The following PPP6R2 variants were observed in gnomAD, a reference collection of about 807,000 sequenced individuals.
The protein encoded by PPP6R2 is serine/threonine-protein phosphatase 6 regulatory subunit 2.
A neutral mutation model predicts 100.2 loss-of-function variants in PPP6R2; 62 were observed. That is an observed-to-expected ratio of 0.62 (90% confidence interval 0.50 to 0.76). The LOEUF (loss-of-function observed/expected upper bound fraction) is 0.76. Among genes scored for constraint, PPP6R2 ranks in the 30% least tolerant of loss-of-function variants. PPP6R2 has a pLI of 0.00. For missense variants in PPP6R2, 1,142 were observed against 1,276.3 expected, an observed-to-expected ratio of 0.89 and a Z score of 1.60; for synonymous variants, 525 against 514.7, an observed-to-expected ratio of 1.02 and a Z score of -0.27.
intron 14 of PPP6R2, among the ~76,000 whole-genome samples, chr22:50,436,687 C>T (rs185454247): frequency 1.3e-5 from 2 of 152,302 alleles, no homozygotes; most frequent in African/African-American, 2.4e-5. Context: ...TGTGCAGAGC[C>T]GGTGTTGGCC....
chr22:50,437,366 A>G (rs922360880), intron 15 of PPP6R2, 140 bp from the exon 16 acceptor site: 1 of 678,092 alleles, frequency 1.5e-6, no homozygotes, highest in African/African-American at 1.8e-5. Context: ...AGCCCTGAAC[A>G]GAGTTTACTG....
chr22:50,379,198 A>G (rs924457721), intron 2 of PPP6R2, among the ~76,000 whole-genome samples: 13 of 152,102 alleles, frequency 8.5e-5, no homozygotes, highest in Non-Finnish European at 1.6e-4. Context: ...TACTAAATAC[A>G]ATTCTCAAGA....
chr22:50,364,979 A>G (rs2048451212), intron 1 of PPP6R2, among the ~76,000 whole-genome samples: 1 of 152,138 alleles, frequency 6.6e-6, no homozygotes, highest in Non-Finnish European at 1.5e-5. Flanking sequence ...CATAAAAAGA[A>G]AAAAAATCTT....
At chr22:50,438,032 G>A (rs768495443) in intron 17 of PPP6R2, 132 bp downstream of exon 17, 43 of 1,488,208 alleles carry the variant, frequency 2.9e-5, no homozygotes, top group Middle Eastern at 1.8e-4. Flanking sequence ...CGGAACAGTC[G>A]CTTTCCTTGC....
intron 4 of PPP6R2, among the ~76,000 whole-genome samples, chr22:50,408,065 T>C (rs2059222776): frequency 6.6e-6 from 1 of 152,116 alleles, no homozygotes. Flanking sequence ...TAAAATATTT[T>C]TTGTAGAGAT....
chr22:50,409,643 G>T (rs1045864135), intron 4 of PPP6R2, among the ~76,000 whole-genome samples: 2 of 152,160 alleles, frequency 1.3e-5, no homozygotes, highest in African/African-American at 4.8e-5. Flanking sequence ...GGCCAGGATG[G>T]TCTCAATCTC....
intron 1 of PPP6R2, among the ~76,000 whole-genome samples, chr22:50,367,595 AAGGG>A (rs2049022911): frequency 6.6e-6 from 1 of 152,164 alleles, no homozygotes; most frequent in South Asian, 2.1e-4. Flanking sequence ...GAAAATGAAA[AAGGG>A]AGGGAAGGAC....
intron 1 of PPP6R2, among the ~76,000 whole-genome samples, chr22:50,349,815 TAAAAAA>T (rs1285843500): frequency 1.7e-5 from 2 of 115,444 alleles, no homozygotes; most frequent in East Asian, 4.9e-4. Context: ...AACTCCATCT[TAAAAAA>T]AAAAAAAACA....
At chr22:50,415,624 C>T (rs1182552899) in intron 5 of PPP6R2, among the ~76,000 whole-genome samples, 1 of 152,266 alleles carries the variant, frequency 6.6e-6, no homozygotes, top group Non-Finnish European at 1.5e-5. Context: ...CCAGGCCTGC[C>T]AGACCCCGAC....
chr22:50,335,707 G>A, the PPP6R2 span, among the ~76,000 whole-genome samples: 4 of 119,516 alleles, frequency 3.3e-5, no homozygotes, highest in African/African-American at 1.0e-4. Context: ...ATGGAGTCTC[G>A]CTCTGTCACC....
chr22:50,381,926 A>G (rs1011738116), intron 2 of PPP6R2, among the ~76,000 whole-genome samples: 2 of 152,032 alleles, frequency 1.3e-5, no homozygotes, highest in Non-Finnish European at 2.9e-5. Flanking sequence ...AAAAAAGAAA[A>G]AAAAGGAATA....
rs2273260 is a variant in PPP6R2 at position 50,441,018 on chromosome 22, T to A, written c.2571T>A (p.Ala857=). 2 of 1,583,630 alleles carry A rather than the reference T, an allele frequency of 1.3e-6. No individual in the cohort carries two copies. Among genetic ancestry groups the A allele is most frequent in the Non-Finnish European group, 1.7e-6 (2 of 1,161,206 alleles). The change falls in exon 22 of 24, where the codon GCT becomes GCA. Residue 857 remains alanine, a synonymous_variant. Coordinates refer to ENST00000612753, the MANE Select transcript of PPP6R2 (RefSeq NM_001242898.2). The part of the protein sequence containing the change: ...PLPTVARTEE[A]VGRVGCADSR... ...CCACAGTGGCCAGGACAGAGGAGGC[T>A]GTCGGCAGGTGTGTGGGGCGTGGCG... is the stretch of plus-strand genomic sequence containing the variant.
At chr22:50,373,050 C>A (rs1440524025) in intron 2 of PPP6R2, among the ~76,000 whole-genome samples, 1 of 151,984 alleles carries the variant, frequency 6.6e-6, no homozygotes, top group Non-Finnish European at 1.5e-5. Context: ...TATGTTCCGT[C>A]TCACTTGCAG....
chr22:50,414,924 C>A (rs935050533), intron 5 of PPP6R2, among the ~76,000 whole-genome samples: 1 of 152,276 alleles, frequency 6.6e-6, no homozygotes, highest in Non-Finnish European at 1.5e-5. Context: ...TCCCCGCAGT[C>A]TCCAGCCTCC....
chr22:50,365,285 G>C (rs935159376), intron 1 of PPP6R2, among the ~76,000 whole-genome samples: 9 of 151,906 alleles, frequency 5.9e-5, no homozygotes, highest in Non-Finnish European at 1.3e-4. Context: ...TGGCCAGGCT[G>C]GTCTTGAACT....
At chr22:50,364,637 G>T (rs568537212) in intron 1 of PPP6R2, among the ~76,000 whole-genome samples, 1 of 152,302 alleles carries the variant, frequency 6.6e-6, no homozygotes, top group African/African-American at 2.4e-5. Context: ...GTTGACAAAG[G>T]TAGCTATAGA....
Position 50,407,008 on chromosome 22 carries a change from G to A in PPP6R2, c.414+133G>A, listed in dbSNP as rs1160819843. 15 of 906,746 alleles carry A rather than the reference G, an allele frequency of 1.7e-5. 1 individual carries two copies. The highest frequency in any genetic ancestry group is 9.0e-5 in the South Asian group (6 of 66,788). 56.2% of individuals were successfully genotyped at this position (906,746 alleles called of 1,614,324 possible). On this transcript the variant is annotated intron_variant, in intron 4 of 23. Coordinates refer to ENST00000612753, the MANE Select transcript of PPP6R2 (RefSeq NM_001242898.2). Reference sequence around the variant, plus strand: ...CATCTGTGACTCTTCTGCGCAACACGTGGAGCAGTGTGTGGGTTTTGCCAG... The same window carrying A: ...CATCTGTGACTCTTCTGCGCAACACATGGAGCAGTGTGTGGGTTTTGCCAG...
chr22:50,437,050 CG>C lies in PPP6R2; in HGVS notation c.1666del (p.Glu556SerfsTer16), dbSNP rs1569491484. ...DEDIEGAFPNELSLQQAFSDY... is the reference protein window; with the variant it reads ...DEDIEGAFPNXLSLQQAFSDY... ...AGGACATTGAGGGTGCTTTCCCTAACGAGCTGTCCCTTCAGCAGGTGAGGGC... is the reference window on the plus strand; with the variant it reads ...AGGACATTGAGGGTGCTTTCCCTAACAGCTGTCCCTTCAGCAGGTGAGGGC... On this transcript the variant is annotated frameshift_variant, in exon 15 of 24. Coordinates refer to ENST00000612753, the MANE Select transcript of PPP6R2 (RefSeq NM_001242898.2). LOFTEE classifies it high-confidence loss of function. The C allele has an allele frequency of 5.1e-6, 8 of 1,561,294 alleles. No individual in the cohort carries two copies. The South Asian group carries it at 9.4e-5, about 18-fold the overall frequency.
intron 1 of PPP6R2, among the ~76,000 whole-genome samples, chr22:50,347,660 TC>T (rs1458724045): frequency 2.0e-5 from 3 of 152,160 alleles, no homozygotes; most frequent in Non-Finnish European, 4.4e-5. Flanking sequence ...GTCTGTCACT[TC>T]CATTTAGTCC....
Sources: allele counts gnomAD v4.1 joint callset (sites outside exome capture counted in the v4.1 genomes callset), GRCh38; gene constraint gnomAD v4.1.1; transcripts MANE v1.5; gene names NCBI Gene and HGNC (gene_info 2026-07-23, HGNC 2026-07-21).